LRRTM4: variants seen among roughly 807,000 people sequenced by gnomAD.
The protein encoded by LRRTM4 is leucine-rich repeat transmembrane neuronal protein 4.
LRRTM4 carries 25 observed loss-of-function variants against 47.6 expected under a neutral mutation model. That is an observed-to-expected ratio of 0.53 (90% CI 0.38 to 0.73). LRRTM4 has a LOEUF of 0.73. LRRTM4 is among the 30% of genes least tolerant of loss of function. LRRTM4 has a pLI of 0.00. For missense variants in LRRTM4, 638 were observed against 713.4 expected (o/e 0.89, Z 1.20); for synonymous variants, 311 against 269.5 (o/e 1.15, Z -1.51).
At chr2:77,442,339 G>A (rs1389417306) in intron 3 of LRRTM4, among the ~76,000 whole-genome samples, 1 of 152,102 alleles carries the variant, frequency 6.6e-6, no homozygotes, top group Non-Finnish European at 1.5e-5. Flanking sequence ...TTTCTAAGGA[G>A]TATATAAAAA....
intron 3 of LRRTM4, among the ~76,000 whole-genome samples, chr2:77,138,226 A>G (rs904055515): frequency 6.6e-6 from 1 of 152,190 alleles, no homozygotes; most frequent in Non-Finnish European, 1.5e-5. Flanking sequence ...TTGGAAGTAA[A>G]GCACTCCTCA....
At chr2:76,820,359 T>G (rs1671018784) in intron 3 of LRRTM4, among the ~76,000 whole-genome samples, 1 of 151,794 alleles carries the variant, frequency 6.6e-6, no homozygotes, top group Admixed American at 6.6e-5. Context: ...ATTAGAAGAA[T>G]AAGACTCAAG....
intron 3 of LRRTM4, among the ~76,000 whole-genome samples, chr2:77,021,595 G>C (rs1329857747): frequency 6.6e-6 from 1 of 152,160 alleles, no homozygotes; most frequent in Non-Finnish European, 1.5e-5. Context: ...ATATGTGAAA[G>C]ACCACATAGA....
intron 3 of LRRTM4, among the ~76,000 whole-genome samples, chr2:77,422,866 A>T (rs1372942294): frequency 6.6e-6 from 1 of 152,100 alleles, no homozygotes; most frequent in Non-Finnish European, 1.5e-5. Context: ...TCTTTATTGT[A>T]TGTTTTCAAA....
At chr2:77,156,657 G>T (rs936820371) in intron 3 of LRRTM4, among the ~76,000 whole-genome samples, 1 of 151,150 alleles carries the variant, frequency 6.6e-6, no homozygotes, top group Non-Finnish European at 1.5e-5. Context: ...CATGAAATTC[G>T]GGGTGAGGTA....
rs192998603 is a variant in LRRTM4, at chr2:77,022,144, C to T, written c.1552-273228G>A. Reference sequence around the variant, plus strand: ...GGTGAAAGTACTTCTTACATGGTGGCGGCAAGAGAAAATGAGGAAGATGCA... The same window carrying T: ...GGTGAAAGTACTTCTTACATGGTGGTGGCAAGAGAAAATGAGGAAGATGCA... On this transcript the variant is annotated intron_variant, in intron 3 of 3. Coordinates refer to ENST00000409884, the MANE Select transcript of LRRTM4 (RefSeq NM_001134745.3). Among the ~76,000 whole-genome samples, 44 of 152,132 alleles carry T rather than the reference C, an allele frequency of 2.9e-4. 2 individuals carry two copies. Among genetic ancestry groups the T allele is most frequent in the Admixed American group, 2.4e-3 (37 of 15,288 alleles).
rs560651205 is a variant in LRRTM4 at position 77,366,179 on chromosome 2, C to A, written c.1551+152139G>T. Among the ~76,000 whole-genome samples the A allele has an allele frequency of 3.0e-4, 46 of 151,868 alleles. 1 individual carries two copies. In the South Asian group the frequency reaches 9.3e-3, roughly 31 times the overall value. On this transcript the variant is annotated intron_variant, in intron 3 of 3. Coordinates refer to ENST00000409884, the MANE Select transcript of LRRTM4 (RefSeq NM_001134745.3). ...GCTCTACCTACCCCTCAAACATTCACCCAATCCAATCTGGCCTCTTCTGCT... is the reference window on the plus strand; with the variant it reads ...GCTCTACCTACCCCTCAAACATTCAACCAATCCAATCTGGCCTCTTCTGCT...
chr2:77,152,818 T>C (rs761255531), intron 3 of LRRTM4, among the ~76,000 whole-genome samples: 3 of 152,128 alleles, frequency 2.0e-5, no homozygotes, highest in African/African-American at 7.2e-5. Flanking sequence ...AAATTGACAA[T>C]TTACAGTTAT....
intron 3 of LRRTM4, among the ~76,000 whole-genome samples, chr2:77,025,156 C>T (rs1395669588): frequency 6.6e-6 from 1 of 152,038 alleles, no homozygotes; most frequent in Admixed American, 6.6e-5. Context: ...CTTTAGTTTC[C>T]AGGTAAAATC....
At chr2:77,304,900 T>G (rs1677231768) in intron 3 of LRRTM4, among the ~76,000 whole-genome samples, 1 of 152,042 alleles carries the variant, frequency 6.6e-6, no homozygotes, top group Admixed American at 6.6e-5. Context: ...CTTCTTAAAA[T>G]ATTATGGTAT....
chr2:77,090,889 G>A (rs186187821), intron 3 of LRRTM4, among the ~76,000 whole-genome samples: 317 of 152,200 alleles, frequency 2.1e-3, no homozygotes, highest in Middle Eastern at 0.01. Context: ...CATCACGGAC[G>A]CCGAGCTTCA....
chr2:76,920,958 G>A (rs546919749), intron 3 of LRRTM4, among the ~76,000 whole-genome samples: 131 of 152,054 alleles, frequency 8.6e-4, no homozygotes, highest in Admixed American at 2.0e-3. Flanking sequence ...GAGTTTCCAC[G>A]TACCCCTCAC....
At chr2:77,187,242 T>G (rs1488742580) in intron 3 of LRRTM4, among the ~76,000 whole-genome samples, 6 of 152,116 alleles carry the variant, frequency 3.9e-5, no homozygotes, top group Non-Finnish European at 7.4e-5. Flanking sequence ...CAAAGTTCCT[T>G]GTGAGCATGT....
chr2:76,815,246 G>A (rs764075390), intron 3 of LRRTM4, among the ~76,000 whole-genome samples: 2 of 152,126 alleles, frequency 1.3e-5, no homozygotes, highest in Non-Finnish European at 2.9e-5. Context: ...CTGTGAATTA[G>A]GTAGATGTTT....
intron 3 of LRRTM4, among the ~76,000 whole-genome samples, chr2:77,115,124 C>A (rs1000931560): frequency 1.3e-5 from 2 of 152,118 alleles, no homozygotes; most frequent in Non-Finnish European, 2.9e-5. Flanking sequence ...CATTCCTTCC[C>A]CAGGGTCTCA....
At chr2:77,324,849 G>T (rs772944861) in intron 3 of LRRTM4, among the ~76,000 whole-genome samples, 7 of 152,116 alleles carry the variant, frequency 4.6e-5, no homozygotes, top group Non-Finnish European at 8.8e-5. Context: ...ATTGAGAGAA[G>T]AGTTTATTAG....
At chr2:77,083,509 T>C (rs1427641573) in intron 3 of LRRTM4, among the ~76,000 whole-genome samples, 2 of 152,262 alleles carry the variant, frequency 1.3e-5, no homozygotes, top group Non-Finnish European at 1.5e-5. Context: ...ACCAAAAACA[T>C]GACCAAATTA....
At chr2:77,126,108 AAATT>A (rs1300221586) in intron 3 of LRRTM4, among the ~76,000 whole-genome samples, 1 of 151,912 alleles carries the variant, frequency 6.6e-6, no homozygotes, top group African/African-American at 2.4e-5. Flanking sequence ...AGTCTCAAGA[AAATT>A]AATTTATGAA....
In LRRTM4 at chr2:77,381,024, T is replaced by C. The variant is rs186839625; in HGVS notation, c.1551+137294A>G. Among the ~76,000 whole-genome samples, 27 of 152,196 alleles carry C rather than the reference T, an allele frequency of 1.8e-4. No individual in the cohort carries two copies. In the East Asian group the frequency reaches 3.7e-3, roughly 21 times the overall value. ...GCAGTTTAGTACCTGGTTGTTACTA[T>C]TATGAGTAATTCTAATTTTTCTTTT... On this transcript the variant is annotated intron_variant, in intron 3 of 3. Transcript: ENST00000409884.
Sources: gnomAD v4.1 joint callset for allele counts (sites outside exome capture counted in the v4.1 genomes callset) on GRCh38, gnomAD v4.1.1 for gene constraint, MANE v1.5 for transcripts, NCBI Gene and HGNC (gene_info 2026-07-23, HGNC 2026-07-21) for gene names.